The following PAK5 variants were observed in gnomAD, a reference collection of about 807,000 sequenced individuals.
PAK5 encodes p21 (RAC1) activated kinase 5.
Under a neutral mutation model 65.9 loss-of-function variants are expected in PAK5, and 16 were observed. That is an observed-to-expected ratio of 0.24 (90% CI 0.16 to 0.37). PAK5 has a LOEUF of 0.37. Among genes scored for constraint, PAK5 ranks in the 10% least tolerant of loss-of-function variants. PAK5 has a pLI of 1.00. For missense variants in PAK5, 785 were observed against 903.9 expected (o/e 0.87, Z 1.69); for synonymous variants, 371 against 354.9 (o/e 1.05, Z -0.51).
At chr20:9,792,786 T>C (rs6056881) in intron 1 of PAK5, among the ~76,000 whole-genome samples, 2,514 of 152,222 alleles carry the variant, frequency 0.017, 68 homozygotes, top group African/African-American at 0.049. Flanking sequence ...GACTGAGAGA[T>C]TCCTAGGTTA....
chr20:9,717,073 A>C (rs1011424568), intron 1 of PAK5, among the ~76,000 whole-genome samples: 26 of 148,744 alleles, frequency 1.7e-4, no homozygotes, highest in Non-Finnish European at 3.4e-4. Context: ...TGACGGAGCC[A>C]GAACTTATCT....
At chr20:9,604,149 G>A (rs1464212736) in intron 3 of PAK5, among the ~76,000 whole-genome samples, 1 of 152,176 alleles carries the variant, frequency 6.6e-6, no homozygotes, top group Non-Finnish European at 1.5e-5. Flanking sequence ...TCCGGGAGTG[G>A]CCAACCTGAT....
intron 3 of PAK5, among the ~76,000 whole-genome samples, chr20:9,617,322 G>A (rs762816690): frequency 4.6e-5 from 7 of 152,114 alleles, no homozygotes; most frequent in Non-Finnish European, 1.0e-4. Context: ...AAACGAGTTA[G>A]CCCAGTGGTT....
intron 2 of PAK5, among the ~76,000 whole-genome samples, chr20:9,675,909 C>CTTAA (rs34515840): frequency 0.24 from 35,747 of 152,008 alleles, 4,414 homozygotes; most frequent in East Asian, 0.36. Flanking sequence ...GTAACACTTA[C>CTTAA]AACATAGCTA....
chr20:9,548,029 C>T (rs559862036), intron 7 of PAK5, among the ~76,000 whole-genome samples: 59 of 152,214 alleles, frequency 3.9e-4, no homozygotes, highest in Admixed American at 5.9e-4. Flanking sequence ...CACACCCCAT[C>T]TTCCTACTGC....
chr20:9,661,643 A>G (rs2047348977), intron 2 of PAK5, among the ~76,000 whole-genome samples: 1 of 152,130 alleles, frequency 6.6e-6, no homozygotes, highest in Admixed American at 6.6e-5. Context: ...CCAGGATACA[A>G]GCTCCCATTC....
intron 3 of PAK5, among the ~76,000 whole-genome samples, chr20:9,637,309 A>G (rs767458288): frequency 1.6e-4 from 24 of 152,314 alleles, no homozygotes; most frequent in Non-Finnish European, 2.5e-4. Context: ...AGAAAATTTA[A>G]AACATAAGAC....
intron 1 of PAK5, among the ~76,000 whole-genome samples, chr20:9,749,539 G>C (rs2048550156): frequency 6.6e-6 from 1 of 152,032 alleles, no homozygotes; most frequent in Non-Finnish European, 1.5e-5. Context: ...GATAAATGAG[G>C]GTTCTGAAAT....
At position 9,539,088 on chromosome 20, in the gene PAK5, C is replaced by A; in HGVS notation, c.*374G>T. ...AAGTGCTTTTTGTTTTCCTTTCTTT[C>A]TTTTTTTTTTTTTTTTGCCAGAAAA... On this transcript the variant is annotated 3_prime_UTR_variant, in exon 10 of 10. Coordinates refer to ENST00000353224, the MANE Select transcript of PAK5 (RefSeq NM_177990.4). 2 of 211,248 alleles carry A rather than the reference C, an allele frequency of 9.5e-6. No homozygotes were observed. The highest frequency in any genetic ancestry group is 1.8e-5 in the Non-Finnish European group (2 of 109,830). 13.1% of individuals were successfully genotyped at this position (211,248 alleles called of 1,614,324 possible).
At chr20:9,620,988 C>G (rs896932474) in intron 3 of PAK5, among the ~76,000 whole-genome samples, 1 of 148,426 alleles carries the variant, frequency 6.7e-6, no homozygotes, top group Non-Finnish European at 1.5e-5. Context: ...AGAGAGAGAA[C>G]AATGGCTCAG....
chr20:9,704,827 G>A (rs2047985707), intron 2 of PAK5, among the ~76,000 whole-genome samples: 1 of 152,160 alleles, frequency 6.6e-6, no homozygotes, highest in Admixed American at 6.5e-5. Flanking sequence ...CAAAGCATCT[G>A]CTATGTGACA....
intron 3 of PAK5, among the ~76,000 whole-genome samples, chr20:9,581,277 C>T (rs1353514385): frequency 6.6e-6 from 1 of 152,174 alleles, no homozygotes; most frequent in East Asian, 1.9e-4. Context: ...AAGCCCTAAC[C>T]ACCTAATGAT....
intron 1 of PAK5, among the ~76,000 whole-genome samples, chr20:9,726,452 G>A (rs374208170): frequency 1.6e-4 from 24 of 152,138 alleles, no homozygotes; most frequent in Non-Finnish European, 2.5e-4. Flanking sequence ...TGCACACAGC[G>A]ATTTAACTTC....
intron 1 of PAK5, among the ~76,000 whole-genome samples, chr20:9,810,335 G>A (rs1468108985): frequency 3.9e-5 from 6 of 152,184 alleles, no homozygotes; most frequent in African/African-American, 1.4e-4. Flanking sequence ...TACTTTGGGA[G>A]GCTGAGGTGG....
rs2045309955 is a variant in PAK5, at chr20:9,544,262, G to C, written c.1869+107C>G. 2.5e-6 allele frequency: 3 copies of C among 1,216,300 alleles called. No individual in the cohort carries two copies. The Admixed American group carries it at 6.1e-5, about 25-fold the overall frequency. 75.3% of individuals were successfully genotyped at this position (1,216,300 alleles called of 1,614,324 possible). ...CTAGTGAGTGGGGATCAAATGTGGAGCTAAAAGTCATTGCCCCCATCTCCT... is the reference window on the plus strand; with the variant it reads ...CTAGTGAGTGGGGATCAAATGTGGACCTAAAAGTCATTGCCCCCATCTCCT... On this transcript the variant is annotated intron_variant, in intron 8 of 9. Transcript: ENST00000353224.
chr20:9,719,076 T>G (rs926182216), intron 1 of PAK5, among the ~76,000 whole-genome samples: 1 of 152,174 alleles, frequency 6.6e-6, no homozygotes, highest in African/African-American at 2.4e-5. Flanking sequence ...TTTCTTTCCC[T>G]TCACTGTTGG....
intron 2 of PAK5, among the ~76,000 whole-genome samples, chr20:9,656,271 T>G (rs189676745): frequency 6.6e-6 from 1 of 152,036 alleles, no homozygotes; most frequent in Non-Finnish European, 1.5e-5. Context: ...GTTGAATGAA[T>G]AGTCACTGAG....
intron 4 of PAK5, 118 bp from the exon 5 acceptor site, chr20:9,566,502 G>T: frequency 9.8e-7 from 1 of 1,016,996 alleles, no homozygotes; most frequent in Non-Finnish European, 1.5e-6. Context: ...GAGATGAGAG[G>T]ATCTGGCTGG....
intron 1 of PAK5, among the ~76,000 whole-genome samples, chr20:9,740,137 A>C (rs2048435278): frequency 6.6e-6 from 1 of 152,218 alleles, no homozygotes. Flanking sequence ...TGTCGGAGCC[A>C]CTACTGGACT....
Sources: allele counts gnomAD v4.1 joint callset (sites outside exome capture counted in the v4.1 genomes callset), GRCh38; gene constraint gnomAD v4.1.1; transcripts MANE v1.5; gene names NCBI Gene and HGNC (gene_info 2026-07-23, HGNC 2026-07-21).